The following FBP1 variants were observed in gnomAD, a reference collection of about 807,000 sequenced individuals.
The protein encoded by FBP1 is fructose-bisphosphatase 1.
In FBP1, 22 loss-of-function variants were observed where a neutral mutation model predicts 29.9. The ratio of observed to expected loss-of-function variants is 0.74; its 90% CI spans 0.53 to 1.05. The LOEUF (loss-of-function observed/expected upper bound fraction) is 1.05, where lower values mean the gene tolerates loss of function less well. Among genes scored for constraint, FBP1 ranks in the 50% least tolerant of loss-of-function variants. FBP1 has a pLI of 0.00. For missense variants in FBP1, 345 were observed against 448.2 expected, an observed-to-expected ratio of 0.77 and a Z score of 2.08; for synonymous variants, 175 against 178.6, an observed-to-expected ratio of 0.98 and a Z score of 0.16.
intron 1 of FBP1, among the ~76,000 whole-genome samples, chr9:94,623,234 CT>C (rs1827974015): frequency 6.6e-6 from 1 of 152,172 alleles, no homozygotes; most frequent in African/African-American, 2.4e-5. Context: ...ATCCACCCAC[CT>C]CAGCCTCCCA....
chr9:94,636,190 C>T (rs921590142), intron 1 of FBP1, among the ~76,000 whole-genome samples: 1 of 152,000 alleles, frequency 6.6e-6, no homozygotes, highest in Non-Finnish European at 1.5e-5. Flanking sequence ...TATAAAAGTA[C>T]ACATATTGGC....
At chr9:94,608,691 T>C (rs926447349) in intron 4 of FBP1, among the ~76,000 whole-genome samples, 1 of 150,602 alleles carries the variant, frequency 6.6e-6, no homozygotes, top group South Asian at 2.1e-4. Context: ...TAAGTGCCCA[T>C]GCTTCCAAGG....
At chr9:94,609,181 T>TAA (rs1285029474) in intron 4 of FBP1, among the ~76,000 whole-genome samples, 28 of 139,362 alleles carry the variant, frequency 2.0e-4, no homozygotes, top group Middle Eastern at 3.8e-3. Flanking sequence ...AGGGCAAGAC[T>TAA]ACATCTCAGA....
At chr9:94,620,172 G>C (rs1827924949) in intron 2 of FBP1, among the ~76,000 whole-genome samples, 157 bp downstream of exon 2, 1 of 152,222 alleles carries the variant, frequency 6.6e-6, no homozygotes. Context: ...GAGGATTCGA[G>C]AGATGGCAGC....
At chr9:94,614,597 T>C (rs1273244351) in intron 3 of FBP1, among the ~76,000 whole-genome samples, 1 of 152,152 alleles carries the variant, frequency 6.6e-6, no homozygotes, top group Non-Finnish European at 1.5e-5. Context: ...AGGAGCTGCA[T>C]GCAACATGAC....
rs760333306 is a variant in FBP1 at position 94,603,484 on chromosome 9, T to C, written c.914A>G (p.Asp305Gly). 1.2e-6 allele frequency: 2 copies of C among 1,614,030 alleles called. No homozygotes were observed. Among genetic ancestry groups the C allele is most frequent in the Non-Finnish European group, 1.7e-6 (2 of 1,179,938 alleles). ...CTGGTGAATGTCTGTGGGAATGACGTCTAACACGGCCTCCTTCCCAGTGGT... is the reference window on the plus strand; with the variant it reads ...CTGGTGAATGTCTGTGGGAATGACGCCTAACACGGCCTCCTTCCCAGTGGT... ...MATTGKEAVL[D>G]VIPTDIHQRA... Residue 305 changes from aspartate (D) to glycine (G), a missense_variant, in exon 7 of 7, where the codon GAC becomes GGC. By Grantham distance (94) the Asp-to-Gly change is moderately conservative (BLOSUM62 -1). Transcript: ENST00000375326.
chr9:94,617,739 A>T (rs770647615), intron 3 of FBP1, 29 bp downstream of exon 3: 2 of 1,469,898 alleles, frequency 1.4e-6, no homozygotes, highest in South Asian at 2.3e-5. Flanking sequence ...TCTGTCCCCA[A>T]ACCAAGTGCT....
At chr9:94,618,081 G>A (rs991885245) in intron 2 of FBP1, among the ~76,000 whole-genome samples, 3 of 152,120 alleles carry the variant, frequency 2.0e-5, no homozygotes, top group Non-Finnish European at 2.9e-5. Context: ...CTTAAGAGGT[G>A]CAGATGAAGG....
rs181760018 is a variant in FBP1 at position 94,627,425 on chromosome 9, A to G, written c.171-6934T>C. Among the ~76,000 whole-genome samples the G allele has an allele frequency of 1.9e-3, 282 of 152,298 alleles. 1 individual carries two copies. Among genetic ancestry groups the G allele is most frequent in the African/African-American group, 6.5e-3 (271 of 41,554 alleles). On this transcript the variant is annotated intron_variant, in intron 1 of 6. Coordinates refer to ENST00000375326, the MANE Select transcript of FBP1 (RefSeq NM_000507.4). ...AGTCATCATTCCTGAATGGCCCTGAAGGATAGATTAACAAGAGCATTCACT... is the reference window on the plus strand; with the variant it reads ...AGTCATCATTCCTGAATGGCCCTGAGGGATAGATTAACAAGAGCATTCACT...
At chr9:94,618,074 A>G (rs1025427835) in intron 2 of FBP1, among the ~76,000 whole-genome samples, 20 of 152,182 alleles carry the variant, frequency 1.3e-4, no homozygotes, top group Admixed American at 5.2e-4. Flanking sequence ...AATACCACTT[A>G]AGAGGTGCAG....
At chr9:94,622,004 A>G (rs1827956876) in intron 1 of FBP1, among the ~76,000 whole-genome samples, 1 of 152,124 alleles carries the variant, frequency 6.6e-6, no homozygotes, top group Non-Finnish European at 1.5e-5. Flanking sequence ...ACTCCCAGGC[A>G]GAGGGTGGAG....
In FBP1 at chr9:94,617,701, A is replaced by G. The variant is rs542990820; in HGVS notation, c.426+67T>C. Reference sequence around the variant, plus strand: ...CCACTCCGGCTGCTCTGCCACAGTGAAATAGGACTGGATGCTCAATCTTAA... The same window carrying G: ...CCACTCCGGCTGCTCTGCCACAGTGGAATAGGACTGGATGCTCAATCTTAA... On this transcript the variant is annotated intron_variant, in intron 3 of 6. Coordinates refer to ENST00000375326, the MANE Select transcript of FBP1 (RefSeq NM_000507.4). 24 of 1,032,078 alleles carry G rather than the reference A, an allele frequency of 2.3e-5. No homozygotes were observed. The South Asian group carries it at 2.7e-4, about 12-fold the overall frequency. 63.9% of individuals were successfully genotyped at this position (1,032,078 alleles called of 1,614,324 possible).
chr9:94,633,367 G>C (rs1828136612), intron 1 of FBP1, among the ~76,000 whole-genome samples: 1 of 152,118 alleles, frequency 6.6e-6, no homozygotes, highest in Non-Finnish European at 1.5e-5. Context: ...TTTGTCTCCA[G>C]TCACGCAACT....
At chr9:94,621,220 A>C in intron 1 of FBP1, among the ~76,000 whole-genome samples, 1 of 140,576 alleles carries the variant, frequency 7.1e-6, no homozygotes, top group Non-Finnish European at 1.5e-5. Context: ...TCTCAAAAAA[A>C]AAAAAAAAAA....
At chr9:94,637,683 G>A (rs1411879071) in intron 1 of FBP1, among the ~76,000 whole-genome samples, 6 of 152,058 alleles carry the variant, frequency 3.9e-5, no homozygotes, top group African/African-American at 7.2e-5. Context: ...GAGCCTACGC[G>A]CCCAGCCCAT....
At chr9:94,617,917 G>A in intron 2 of FBP1, 57 bp from the exon 3 acceptor site, 3 of 1,305,130 alleles carry the variant, frequency 2.3e-6, no homozygotes, top group South Asian at 2.4e-5. Flanking sequence ...TACACTAAAG[G>A]AGTATACATT....
At chr9:94,617,746 T>G (rs1467420253) in intron 3 of FBP1, 22 bp downstream of exon 3, 2 of 1,503,978 alleles carry the variant, frequency 1.3e-6, no homozygotes, top group East Asian at 4.5e-5. Flanking sequence ...CCAAACCAAG[T>G]GCTTAAGATA....
intron 2 of FBP1, 25 bp downstream of exon 2, chr9:94,620,304 C>T (rs751830277): frequency 6.2e-7 from 1 of 1,612,994 alleles, no homozygotes; most frequent in Non-Finnish European, 8.5e-7. Context: ...CATTAAAACC[C>T]TCAATGGTGG....
chr9:94,608,273 C>T (rs1051521578), intron 4 of FBP1, among the ~76,000 whole-genome samples: 2 of 152,204 alleles, frequency 1.3e-5, no homozygotes, highest in African/African-American at 4.8e-5. Flanking sequence ...ACCTCCCTGG[C>T]GGGAGGCTCA....
Sources: gnomAD v4.1 joint callset for allele counts (sites outside exome capture counted in the v4.1 genomes callset) on GRCh38, gnomAD v4.1.1 for gene constraint, MANE v1.5 for transcripts, NCBI Gene and HGNC (gene_info 2026-07-23, HGNC 2026-07-21) for gene names.